DCDC2: variants seen among roughly 807,000 people sequenced by gnomAD.
DCDC2 encodes the protein doublecortin domain containing 2.
A neutral mutation model predicts 50.2 loss-of-function variants in DCDC2; 40 were observed. The ratio of observed to expected loss-of-function variants is 0.80; its 90% CI spans 0.62 to 1.04. The LOEUF is 1.04. Among genes scored for constraint, DCDC2 ranks in the 50% least tolerant of loss-of-function variants. The pLI, the probability that DCDC2 is intolerant of heterozygous loss-of-function variation, is 0.00. For missense variants in DCDC2, 570 were observed against 581.9 expected, an observed-to-expected ratio of 0.98 and a Z score of 0.21; for synonymous variants, 234 against 210.6, an observed-to-expected ratio of 1.11 and a Z score of -0.96.
intron 1 of DCDC2, 167 bp downstream of exon 1, chr6:24,357,291 A>G: frequency 4.1e-6 from 3 of 729,174 alleles, no homozygotes; most frequent in Non-Finnish European, 4.2e-6. Flanking sequence ...CACAGTGTCA[A>G]CCTCTACCCC....
At chr6:24,326,716 A>G (rs1386532913) in intron 2 of DCDC2, among the ~76,000 whole-genome samples, 1 of 148,706 alleles carries the variant, frequency 6.7e-6, no homozygotes, top group Non-Finnish European at 1.5e-5. Context: ...AAAATTGGCC[A>G]GGTGTGGTGG....
intron 6 of DCDC2, among the ~76,000 whole-genome samples, chr6:24,280,089 T>A (rs1763439190): frequency 6.6e-6 from 1 of 152,244 alleles, no homozygotes; most frequent in South Asian, 2.1e-4. Context: ...AAAACTATTA[T>A]AACTGTTCAT....
At chr6:24,246,179 A>G (rs1762666970) in intron 7 of DCDC2, among the ~76,000 whole-genome samples, 1 of 152,154 alleles carries the variant, frequency 6.6e-6, no homozygotes, top group Non-Finnish European at 1.5e-5. Flanking sequence ...AGAGATAAAA[A>G]CAAACAAACA....
the DCDC2 span, among the ~76,000 whole-genome samples, chr6:24,375,293 C>T: frequency 6.6e-6 from 1 of 152,176 alleles, no homozygotes; most frequent in Non-Finnish European, 1.5e-5. Context: ...CGGCTGTGTC[C>T]CGAGAGGGAT....
chr6:24,241,364 G>A (rs888304305), intron 7 of DCDC2, among the ~76,000 whole-genome samples: 2 of 152,080 alleles, frequency 1.3e-5, no homozygotes, highest in Admixed American at 6.6e-5. Flanking sequence ...ACATAATCAC[G>A]CACTCCTAAA....
At chr6:24,358,929 T>TATATATA (rs1561788569), upstream of DCDC2, among the ~76,000 whole-genome samples, 235 of 30,634 alleles carry the variant, frequency 7.7e-3, 15 homozygotes, top group African/African-American at 0.036. Context: ...TATTATATAT[T>TATATATA]ATATATTTTA....
At chr6:24,369,687 A>G in the DCDC2 span, among the ~76,000 whole-genome samples, 1 of 152,202 alleles carries the variant, frequency 6.6e-6, no homozygotes, top group African/African-American at 2.4e-5. Flanking sequence ...AAGAGTATTC[A>G]TCTAAAAGAA....
intron 7 of DCDC2, among the ~76,000 whole-genome samples, chr6:24,254,085 C>G (rs1762847370): frequency 6.6e-6 from 1 of 150,556 alleles, no homozygotes; most frequent in Non-Finnish European, 1.5e-5. Flanking sequence ...AAGACACAAA[C>G]ACACACATTA....
rs755168053 is a variant in DCDC2, at chr6:24,288,874, C to A, written c.737G>T (p.Gly246Val). Residue 246 changes from glycine to valine, a missense_variant, in exon 6 of 10, where the codon GGA becomes GTA. By Grantham distance (109) the Gly-to-Val change is moderately radical (BLOSUM62 -3). Coordinates refer to ENST00000378454, the MANE Select transcript of DCDC2 (RefSeq NM_016356.5). ...QKASSLPPIVGSRKSKGSGND... is the reference protein window; with the variant it reads ...QKASSLPPIVVSRKSKGSGND... ...TACACTCCCTTTAGACTTTCTGGATCCTACAATAGGAGGTAGTGAAGAAGC... is the reference window on the plus strand; with the variant it reads ...TACACTCCCTTTAGACTTTCTGGATACTACAATAGGAGGTAGTGAAGAAGC... The A allele has an allele frequency of 2.5e-6, 4 of 1,608,070 alleles. No individual in the cohort carries two copies. The highest frequency in any genetic ancestry group is 3.4e-6 in the Non-Finnish European group (4 of 1,178,336).
intron 4 of DCDC2, among the ~76,000 whole-genome samples, chr6:24,291,778 C>CATGTAACAAGGATTA (rs1692647127): frequency 6.6e-6 from 1 of 152,184 alleles, no homozygotes; most frequent in African/African-American, 2.4e-5. Flanking sequence ...AGCCACCGCG[C>CATGTAACAAGGATTA]CCGGCCTTGT....
intron 7 of DCDC2, among the ~76,000 whole-genome samples, chr6:24,241,311 T>C (rs1296999024): frequency 6.6e-6 from 1 of 152,214 alleles, no homozygotes; most frequent in Non-Finnish European, 1.5e-5. Flanking sequence ...ATTTTCTACA[T>C]GGAGCCTCCA....
chr6:24,373,375 C>A, the DCDC2 span, among the ~76,000 whole-genome samples: 2 of 152,186 alleles, frequency 1.3e-5, no homozygotes, highest in Non-Finnish European at 2.9e-5. Context: ...TAATGATACA[C>A]TAATGCAATG....
intron 2 of DCDC2, among the ~76,000 whole-genome samples, chr6:24,306,706 A>G (rs1401123751): frequency 3.3e-5 from 5 of 152,202 alleles, no homozygotes; most frequent in African/African-American, 9.6e-5. Flanking sequence ...TGTCTCCAAT[A>G]TATCACCCTG....
At chr6:24,358,893 A>AT (rs1760553209), upstream of DCDC2, among the ~76,000 whole-genome samples, 2 of 17,006 alleles carry the variant, frequency 1.2e-4, no homozygotes, top group South Asian at 1.4e-3. Context: ...ATATATTTAT[A>AT]TATATAATAT....
intron 8 of DCDC2, among the ~76,000 whole-genome samples, chr6:24,190,513 G>T (rs1344206215): frequency 1.3e-5 from 2 of 151,996 alleles, no homozygotes; most frequent in Admixed American, 1.3e-4. Flanking sequence ...ATGTACCCTA[G>T]AACTTAAAGT....
At chr6:24,297,302 CCTA>C (rs1759273313) in intron 4 of DCDC2, among the ~76,000 whole-genome samples, 1 of 151,854 alleles carries the variant, frequency 6.6e-6, no homozygotes, top group Admixed American at 6.6e-5. Flanking sequence ...GGCACTGGGG[CCTA>C]CTTGAGGGTA....
At chr6:24,230,539 T>C (rs1167266399) in intron 7 of DCDC2, among the ~76,000 whole-genome samples, 2 of 151,998 alleles carry the variant, frequency 1.3e-5, no homozygotes, top group African/African-American at 2.4e-5. Flanking sequence ...AGCTACTTGA[T>C]AGGCTGAGGT....
intron 8 of DCDC2, among the ~76,000 whole-genome samples, chr6:24,193,903 C>T (rs1297288659): frequency 6.6e-6 from 1 of 151,860 alleles, no homozygotes; most frequent in Non-Finnish European, 1.5e-5. Flanking sequence ...AAAACAAAAT[C>T]AAAATTTATT....
chr6:24,233,932 C>G (rs887196452), intron 7 of DCDC2, among the ~76,000 whole-genome samples: 1 of 152,138 alleles, frequency 6.6e-6, no homozygotes, highest in Non-Finnish European at 1.5e-5. Flanking sequence ...TACTGAGTAT[C>G]TACTAAATGC....
Sources: allele counts gnomAD v4.1 joint callset (sites outside exome capture counted in the v4.1 genomes callset), GRCh38; gene constraint gnomAD v4.1.1; transcripts MANE v1.5; gene names NCBI Gene and HGNC (gene_info 2026-07-23, HGNC 2026-07-21).